Variants in ATP2B2 observed in about 807,000 individuals in gnomAD.
ATP2B2 encodes the protein plasma membrane calcium-transporting ATPase 2.
A neutral mutation model predicts 120.0 loss-of-function variants in ATP2B2; 15 were observed. The ratio of observed to expected loss-of-function variants is 0.12; its 90% CI spans 0.08 to 0.19. The LOEUF (loss-of-function observed/expected upper bound fraction) is 0.19, where lower values mean the gene tolerates loss of function less well. ATP2B2 is among the 10% of genes least tolerant of loss of function. ATP2B2 has a pLI of 1.00. For synonymous variants in ATP2B2, 694 were observed against 700.3 expected (o/e 0.99, Z 0.14); for missense variants, 1,045 against 1,719.8 (o/e 0.61, Z 6.94).
chr3:10,327,933 C>T lies in ATP2B2; in HGVS notation c.*881G>A, dbSNP rs1430419462. 1 of 152,572 alleles carries T rather than the reference C, an allele frequency of 6.6e-6. No individual in the cohort carries two copies. The highest frequency in any genetic ancestry group is 1.5e-5 in the Non-Finnish European group (1 of 68,026). The allele number at this position is 152,572 out of a possible 1,614,324, so 9.5% of individuals were successfully genotyped here. A position where few individuals can be genotyped will look rare whatever the true frequency, so the allele number is the denominator to read the frequency against. The stretch of plus-strand genomic sequence containing the variant: ...AACCCAGGGGAAGTGTCTGTTGGGC[C>T]GAGCTGTTTTTATAGCATCTCAGCC... On this transcript the variant is annotated 3_prime_UTR_variant, in exon 23 of 23. Transcript: ENST00000360273.
At chr3:10,619,555 C>A (rs566612537) in intron 2 of ATP2B2, among the ~76,000 whole-genome samples, 1 of 152,314 alleles carries the variant, frequency 6.6e-6, no homozygotes, top group Non-Finnish European at 1.5e-5. Context: ...GCCAAGTGCA[C>A]TTCTCTTTTG....
intron 1 of ATP2B2, among the ~76,000 whole-genome samples, chr3:10,674,964 T>C (rs1002889283): frequency 6.6e-6 from 1 of 152,256 alleles, no homozygotes; most frequent in African/African-American, 2.4e-5. Context: ...ATCTCTTTAT[T>C]TAGTCTCCTT....
At chr3:10,596,724 G>A (rs2068772881) in intron 2 of ATP2B2, among the ~76,000 whole-genome samples, 1 of 152,202 alleles carries the variant, frequency 6.6e-6, no homozygotes, top group African/African-American at 2.4e-5. Context: ...TCCTGAAGAG[G>A]GGCTCAAATT....
intron 22 of ATP2B2, chr3:10,332,361 G>T: frequency 2.9e-6 from 1 of 349,512 alleles, no homozygotes; most frequent in Non-Finnish European, 5.4e-6. Context: ...GTTTGAAAGA[G>T]CAGGACTTCC....
chr3:10,577,881 A>G (rs1203871373), intron 2 of ATP2B2, among the ~76,000 whole-genome samples: 4 of 152,184 alleles, frequency 2.6e-5, no homozygotes, highest in Non-Finnish European at 5.9e-5. Flanking sequence ...ACTGCTGCTG[A>G]TGGTTTTCAA....
intron 1 of ATP2B2, among the ~76,000 whole-genome samples, chr3:10,691,843 G>GAAT (rs753714719): frequency 1.6e-3 from 250 of 152,246 alleles, no homozygotes; most frequent in Admixed American, 3.1e-3. Flanking sequence ...TGCAGAAAGG[G>GAAT]GTGATGGTTT....
At chr3:10,569,544 GA>G (rs1369041467) in intron 2 of ATP2B2, among the ~76,000 whole-genome samples, 6 of 151,954 alleles carry the variant, frequency 3.9e-5, no homozygotes, top group East Asian at 1.9e-4. Context: ...TTATGAACCA[GA>G]AAAAAAATGT....
chr3:10,443,615 T>C (rs1428855809), intron 2 of ATP2B2, among the ~76,000 whole-genome samples: 1 of 151,800 alleles, frequency 6.6e-6, no homozygotes, highest in African/African-American at 2.4e-5. Context: ...ACAGCGGAAG[T>C]GAAAGTAGGA....
At chr3:10,355,964 A>G (rs1225677981) in intron 14 of ATP2B2, among the ~76,000 whole-genome samples, 1 of 73,480 alleles carries the variant, frequency 1.4e-5, no homozygotes, top group Non-Finnish European at 2.6e-5. Context: ...AGTCCCAGCT[A>G]CTCGGGAGGC....
intron 1 of ATP2B2, among the ~76,000 whole-genome samples, chr3:10,620,913 T>G (rs1412598264): frequency 6.6e-6 from 1 of 152,156 alleles, no homozygotes; most frequent in African/African-American, 2.4e-5. Context: ...TCCGGCACAG[T>G]AGCCCTGCCT....
intron 1 of ATP2B2, chr3:10,625,992 T>C (rs1047837403): frequency 1.3e-5 from 2 of 152,332 alleles, no homozygotes; most frequent in Admixed American, 6.5e-5. Context: ...ACCATTTTTT[T>C]CCCATTTATG....
intron 2 of ATP2B2, among the ~76,000 whole-genome samples, chr3:10,560,057 A>G (rs775908045): frequency 1.3e-5 from 2 of 152,224 alleles, no homozygotes; most frequent in Non-Finnish European, 2.9e-5. Flanking sequence ...TCAAACCTTA[A>G]CAGTTGGCCC....
chr3:10,345,683 T>G, intron 17 of ATP2B2, 108 bp from the exon 18 acceptor site: 3 of 1,093,614 alleles, frequency 2.7e-6, no homozygotes, highest in Non-Finnish European at 4.0e-6. Flanking sequence ...CAACTCCCAG[T>G]GGGCCCAGCA....
intron 3 of ATP2B2, among the ~76,000 whole-genome samples, chr3:10,511,827 C>A (rs1037453131): frequency 1.3e-5 from 2 of 152,212 alleles, no homozygotes; most frequent in Admixed American, 6.5e-5. Flanking sequence ...TATTTATTCA[C>A]CTCTCACTGA....
intron 1 of ATP2B2, among the ~76,000 whole-genome samples, chr3:10,503,469 C>T (rs896324025): frequency 5.3e-5 from 8 of 152,264 alleles, no homozygotes; most frequent in African/African-American, 7.2e-5. Context: ...CCTCCCCCAA[C>T]GCCTGTGTGA....
At chr3:10,562,779 C>T (rs1056753855) in intron 2 of ATP2B2, among the ~76,000 whole-genome samples, 1 of 152,120 alleles carries the variant, frequency 6.6e-6, no homozygotes, top group African/African-American at 2.4e-5. Flanking sequence ...TTGTAAACAA[C>T]CTAAATGCCC....
intron 11 of ATP2B2, among the ~76,000 whole-genome samples, chr3:10,372,438 T>A (rs1189869679): frequency 6.6e-6 from 1 of 152,262 alleles, no homozygotes; most frequent in African/African-American, 2.4e-5. Flanking sequence ...TATTTGGTCA[T>A]GAATTTTCTC....
intron 1 of ATP2B2, among the ~76,000 whole-genome samples, chr3:10,662,266 C>T (rs2070804240): frequency 6.6e-6 from 1 of 151,922 alleles, no homozygotes; most frequent in South Asian, 2.1e-4. Flanking sequence ...TAAAGAGCTT[C>T]TGCACAGCAA....
intron 3 of ATP2B2, among the ~76,000 whole-genome samples, chr3:10,520,858 G>T (rs191704262): frequency 3.0e-4 from 46 of 151,186 alleles, no homozygotes; most frequent in African/African-American, 1.1e-3. Flanking sequence ...ACGTGGCTTC[G>T]GCAGGCCACA....
Sources: gnomAD v4.1 joint callset for allele counts (sites outside exome capture counted in the v4.1 genomes callset) on GRCh38, gnomAD v4.1.1 for gene constraint, MANE v1.5 for transcripts, NCBI Gene and HGNC (gene_info 2026-07-23, HGNC 2026-07-21) for gene names.